Variants in CTNNA3 observed in about 807,000 individuals in gnomAD.
CTNNA3 encodes the protein catenin alpha 3.
In CTNNA3, 76 loss-of-function variants were observed where a neutral mutation model predicts 95.7. That is an observed-to-expected ratio of 0.79 (90% CI 0.66 to 0.96). The LOEUF is 0.96. Among genes scored for constraint, CTNNA3 ranks in the 40% least tolerant of loss-of-function variants. CTNNA3 has a pLI of 0.00. For synonymous variants in CTNNA3, 431 were observed against 374.4 expected, an observed-to-expected ratio of 1.15 and a Z score of -1.74; for missense variants, 1,191 against 1,089.8, an observed-to-expected ratio of 1.09 and a Z score of -1.31.
chr10:66,899,301 AGTT>A (rs1168789490), intron 7 of CTNNA3, among the ~76,000 whole-genome samples: 3 of 152,206 alleles, frequency 2.0e-5, no homozygotes, highest in Non-Finnish European at 2.9e-5. Context: ...AACAGTATGG[AGTT>A]TCCTCAAAAA....
At chr10:66,126,083 A>T (rs1183817742) in intron 13 of CTNNA3, among the ~76,000 whole-genome samples, 2 of 152,204 alleles carry the variant, frequency 1.3e-5, no homozygotes, top group Non-Finnish European at 2.9e-5. Context: ...TGTAACAAAT[A>T]ATCTCACTGT....
chr10:66,830,711 G>C (rs7898417), intron 7 of CTNNA3, among the ~76,000 whole-genome samples: 1 of 151,770 alleles, frequency 6.6e-6, no homozygotes, highest in Non-Finnish European at 1.5e-5. Context: ...CTGGGTTCCC[G>C]CCATTCTCCT....
intron 7 of CTNNA3, among the ~76,000 whole-genome samples, chr10:66,898,281 T>C (rs1468639737): frequency 6.6e-6 from 1 of 152,050 alleles, no homozygotes; most frequent in African/African-American, 2.4e-5. Flanking sequence ...TCAATATAAA[T>C]ACACACATAA....
At chr10:67,666,317 G>A (rs1840330295) in intron 1 of CTNNA3, among the ~76,000 whole-genome samples, 1 of 152,092 alleles carries the variant, frequency 6.6e-6, no homozygotes, top group East Asian at 1.9e-4. Context: ...AATTGTTATT[G>A]AGGATAGGGG....
Position 66,318,276 on chromosome 10 carries a change from A to ATATATGTGTGTGTG in CTNNA3, c.1733-37656_1733-37655insCACACACACATATA, listed in dbSNP as rs33943741. ...GTTGCTGGGAGATATATATATATAT[A>ATATATGTGTGTGTG]TGTGTGTGTGTGTGTGTGTGTGTGT... On this transcript the variant is annotated intron_variant, in intron 12 of 17. Coordinates refer to ENST00000433211, the MANE Select transcript of CTNNA3 (RefSeq NM_013266.4). Among the ~76,000 whole-genome samples, 1,183 of 136,626 alleles carry ATATATGTGTGTGTG rather than the reference A, an allele frequency of 8.7e-3. 4 individuals are homozygous for ATATATGTGTGTGTG. The highest frequency in any genetic ancestry group is 0.013 in the Non-Finnish European group (801 of 63,350). 89.6% of individuals were successfully genotyped at this position (136,626 alleles called of 152,430 possible).
intron 7 of CTNNA3, among the ~76,000 whole-genome samples, chr10:66,935,746 G>C (rs1199050614): frequency 2.6e-5 from 4 of 151,644 alleles, no homozygotes; most frequent in Non-Finnish European, 4.4e-5. Context: ...CTAATGATTT[G>C]ATAAAAAGTG....
chr10:66,050,273 A>G (rs10996859), intron 15 of CTNNA3, among the ~76,000 whole-genome samples: 27,330 of 152,046 alleles, frequency 0.18, 2,936 homozygotes, highest in Middle Eastern at 0.25. Flanking sequence ...CTGAAATCCA[A>G]AATATCTGAT....
At chr10:66,179,094 C>T (rs965134326) in intron 13 of CTNNA3, among the ~76,000 whole-genome samples, 1 of 151,934 alleles carries the variant, frequency 6.6e-6, no homozygotes, top group Non-Finnish European at 1.5e-5. Context: ...ACCACAAAAA[C>T]CTGTATATTA....
intron 1 of CTNNA3, among the ~76,000 whole-genome samples, chr10:67,754,314 T>C (rs1452071818): frequency 6.6e-6 from 1 of 151,726 alleles, no homozygotes; most frequent in Non-Finnish European, 1.5e-5. Flanking sequence ...CGGGGGGGCG[T>C]TGGGAGGGAG....
chr10:67,373,249 G>A (rs917283415), intron 5 of CTNNA3, among the ~76,000 whole-genome samples: 5 of 152,050 alleles, frequency 3.3e-5, no homozygotes, highest in African/African-American at 1.2e-4. Flanking sequence ...GCAGAGACAT[G>A]CATAGCTCAA....
intron 5 of CTNNA3, among the ~76,000 whole-genome samples, chr10:67,298,653 C>T (rs1158831291): frequency 6.6e-6 from 1 of 152,144 alleles, no homozygotes; most frequent in Non-Finnish European, 1.5e-5. Context: ...TTATGGTAAA[C>T]CTGTAAAGAT....
rs61701646 is a variant in CTNNA3, at chr10:66,952,419, G to C, written c.1048-176895C>G. On this transcript the variant is annotated intron_variant, in intron 7 of 17. Transcript: ENST00000433211. ...ATAAGCAACGCATCTGTAGCAGCCA[G>C]AAAGTAAATTTTTTAAGCTACGAAG... Among the ~76,000 whole-genome samples, 1,141 of 152,280 alleles carry C rather than the reference G, an allele frequency of 7.5e-3. 16 individuals are homozygous for C. Among genetic ancestry groups the C allele is most frequent in the African/African-American group, 0.026 (1,088 of 41,552 alleles).
At chr10:66,881,412 T>A (rs925650734) in intron 7 of CTNNA3, among the ~76,000 whole-genome samples, 8 of 152,152 alleles carry the variant, frequency 5.3e-5, no homozygotes, top group African/African-American at 1.9e-4. Flanking sequence ...CTGAATACCC[T>A]GTGTGCTGGA....
At chr10:66,659,527 G>A (rs987720589) in intron 9 of CTNNA3, among the ~76,000 whole-genome samples, 3 of 152,172 alleles carry the variant, frequency 2.0e-5, no homozygotes, top group Non-Finnish European at 2.9e-5. Flanking sequence ...TTTAAATGCC[G>A]AAAGTGGAGC....
intron 11 of CTNNA3, among the ~76,000 whole-genome samples, chr10:66,388,248 A>G (rs1023750338): frequency 2.6e-5 from 4 of 152,176 alleles, no homozygotes; most frequent in African/African-American, 9.7e-5. Context: ...TAGTCCTATA[A>G]AAGTGAAAGA....
intron 15 of CTNNA3, among the ~76,000 whole-genome samples, chr10:66,060,540 G>A (rs762506447): frequency 2.2e-4 from 33 of 151,990 alleles, no homozygotes; most frequent in Non-Finnish European, 4.6e-4. Flanking sequence ...CAGATGACAA[G>A]TACTAAATGA....
At chr10:67,750,913 A>G in intron 1 of CTNNA3, 1 of 1,610,280 alleles carries the variant, frequency 6.2e-7, no homozygotes. Context: ...TATGGCCTAC[A>G]GCCCCCTAGG....
At chr10:66,205,495 A>G (rs747986208) in intron 13 of CTNNA3, among the ~76,000 whole-genome samples, 1 of 152,018 alleles carries the variant, frequency 6.6e-6, no homozygotes, top group Non-Finnish European at 1.5e-5. Context: ...TTGCTTCTAT[A>G]ACTTAAGTTC....
At chr10:67,726,950 T>C (rs1358914817) in intron 1 of CTNNA3, among the ~76,000 whole-genome samples, 2 of 116,680 alleles carry the variant, frequency 1.7e-5, no homozygotes, top group Non-Finnish European at 3.2e-5. Flanking sequence ...ATATATATTA[T>C]ATATTATATA....
Sources: allele counts gnomAD v4.1 joint callset (sites outside exome capture counted in the v4.1 genomes callset), GRCh38; gene constraint gnomAD v4.1.1; transcripts MANE v1.5; gene names NCBI Gene and HGNC (gene_info 2026-07-23, HGNC 2026-07-21).